Variants in SPAG16 observed in about 807,000 individuals in gnomAD.
SPAG16 encodes the protein sperm associated antigen 16.
A neutral mutation model predicts 80.4 loss-of-function variants in SPAG16; 86 were observed. The observed-to-expected ratio is 1.07, with a 90% CI of 0.90 to 1.28. SPAG16 has a LOEUF of 1.28. Among genes scored for constraint, SPAG16 ranks in the 50% most tolerant of loss-of-function variants. SPAG16 has a pLI of 0.00. For missense variants in SPAG16, 870 were observed against 765.3 expected (o/e 1.14, Z -1.61); for synonymous variants, 294 against 265.9 (o/e 1.11, Z -1.03).
intron 15 of SPAG16, among the ~76,000 whole-genome samples, chr2:214,324,850 C>A (rs912716248): frequency 1.3e-5 from 2 of 151,294 alleles, no homozygotes; most frequent in African/African-American, 2.4e-5. Context: ...GGGTGTTTGT[C>A]AAATTTATTT....
At chr2:213,488,723 T>C (rs2074102150) in intron 9 of SPAG16, among the ~76,000 whole-genome samples, 1 of 152,156 alleles carries the variant, frequency 6.6e-6, no homozygotes, top group Admixed American at 6.5e-5. Context: ...TTTAAGTTTT[T>C]GCAGAATTAT....
chr2:214,047,971 A>T (rs193111175), intron 13 of SPAG16, among the ~76,000 whole-genome samples: 150 of 152,316 alleles, frequency 9.8e-4, no homozygotes, highest in African/African-American at 3.5e-3. Context: ...CAGAAGTGCA[A>T]ATCAATGCTA....
chr2:213,394,820 T>G (rs1296485855), intron 9 of SPAG16, among the ~76,000 whole-genome samples: 2 of 152,206 alleles, frequency 1.3e-5, no homozygotes, highest in Non-Finnish European at 2.9e-5. Flanking sequence ...TTTAAAATAT[T>G]TGGGAGAATT....
chr2:213,294,582 G>T (rs2126066180), intron 1 of SPAG16, among the ~76,000 whole-genome samples: 1 of 152,280 alleles, frequency 6.6e-6, no homozygotes, highest in Admixed American at 6.5e-5. Context: ...GTTATTAGGA[G>T]AGGCACTTAT....
chr2:213,774,327 A>T (rs553161845), intron 10 of SPAG16, among the ~76,000 whole-genome samples: 1 of 152,158 alleles, frequency 6.6e-6, no homozygotes, highest in Non-Finnish European at 1.5e-5. Flanking sequence ...ACTCTATGAG[A>T]GTTCTTTCTT....
chr2:213,777,784 G>C (rs2069695373), intron 10 of SPAG16, among the ~76,000 whole-genome samples: 1 of 152,098 alleles, frequency 6.6e-6, no homozygotes, highest in African/African-American at 2.4e-5. Context: ...TGATCTGCCT[G>C]CCTCGGCCTC....
In SPAG16 at chr2:213,844,486, A is replaced by G. The variant is rs570734776; in HGVS notation, c.1071-17999A>G. ...GATGATTAGGTCAATAAATTAATTCATGTGTAATTTGAAAAATATAACATT... is the reference window on the plus strand; with the variant it reads ...GATGATTAGGTCAATAAATTAATTCGTGTGTAATTTGAAAAATATAACATT... On this transcript the variant is annotated intron_variant, in intron 10 of 15. Transcript: ENST00000331683. Among the ~76,000 whole-genome samples, 20 of 152,332 alleles carry G rather than the reference A, an allele frequency of 1.3e-4. 1 individual carries two copies. Among genetic ancestry groups the G allele is most frequent in the African/African-American group, 3.4e-4 (14 of 41,586 alleles).
intron 10 of SPAG16, among the ~76,000 whole-genome samples, chr2:213,701,916 A>C (rs2065444360): frequency 1.3e-5 from 2 of 152,158 alleles, no homozygotes; most frequent in Admixed American, 6.5e-5. Flanking sequence ...TGCACCAATC[A>C]GTGCTCTGTG....
chr2:214,173,515 A>T (rs570524043), intron 15 of SPAG16, among the ~76,000 whole-genome samples: 59 of 151,844 alleles, frequency 3.9e-4, no homozygotes, highest in African/African-American at 1.4e-3. Flanking sequence ...GTAGTATAGT[A>T]TGAAGTCAGG....
At chr2:214,123,944 T>C (rs1576283753) in intron 14 of SPAG16, among the ~76,000 whole-genome samples, 1 of 152,070 alleles carries the variant, frequency 6.6e-6, no homozygotes, top group East Asian at 1.9e-4. Context: ...TATACAAAGA[T>C]AACCCAGCTA....
chr2:213,466,450 T>C (rs1248094494), intron 9 of SPAG16, among the ~76,000 whole-genome samples: 1 of 152,152 alleles, frequency 6.6e-6, no homozygotes, highest in African/African-American at 2.4e-5. Flanking sequence ...GTTTCTTTCA[T>C]TAGGTGATAT....
intron 3 of SPAG16, among the ~76,000 whole-genome samples, chr2:213,299,743 G>A (rs1278066823): frequency 6.6e-6 from 1 of 152,088 alleles, no homozygotes; most frequent in East Asian, 1.9e-4. Flanking sequence ...TATATTTAAA[G>A]TTATTCTTGA....
chr2:214,019,668 T>C (rs559367852), intron 13 of SPAG16, among the ~76,000 whole-genome samples: 2 of 152,192 alleles, frequency 1.3e-5, no homozygotes, highest in Non-Finnish European at 2.9e-5. Context: ...TGCATAGGCC[T>C]GTTGGTTTTC....
rs541099251 is a variant in SPAG16 at position 213,348,723 on chromosome 2, G to T, written c.645-1805G>T. Among the ~76,000 whole-genome samples, 12 of 152,238 alleles carry T rather than the reference G, an allele frequency of 7.9e-5. 1 individual carries two copies. The Middle Eastern group carries it at 0.02, about 259-fold the overall frequency. ...TATTGGCCCCCACTCTCTTCTGGCT[G>T]GTAGAGTTTCTGCCAGGAGATCAGC... On this transcript the variant is annotated intron_variant, in intron 6 of 15. Transcript: ENST00000331683.
At chr2:213,622,080 A>G (rs1247855482) in intron 10 of SPAG16, among the ~76,000 whole-genome samples, 1 of 152,202 alleles carries the variant, frequency 6.6e-6, no homozygotes, top group Admixed American at 6.5e-5. Context: ...TTGTGACTCA[A>G]CAATACACCT....
intron 15 of SPAG16, among the ~76,000 whole-genome samples, chr2:214,302,732 C>T (rs1396496669): frequency 6.6e-6 from 1 of 152,192 alleles, no homozygotes; most frequent in African/African-American, 2.4e-5. Context: ...ATCCACCTGC[C>T]TCAGCCTCCC....
At chr2:213,498,186 T>C (rs2074578977) in intron 10 of SPAG16, among the ~76,000 whole-genome samples, 3 of 152,194 alleles carry the variant, frequency 2.0e-5, no homozygotes, top group Non-Finnish European at 4.4e-5. Context: ...AGTTTTGATT[T>C]AGGTGAAGCA....
At chr2:213,949,168 A>AGTTTTTTTTTTTTTTTTTTT (rs2079598715) in intron 12 of SPAG16, among the ~76,000 whole-genome samples, 2 of 75,196 alleles carry the variant, frequency 2.7e-5, no homozygotes, top group African/African-American at 3.9e-5. Flanking sequence ...TAATTACAAC[A>AGTTTTTTTTTTTTTTTTTTT]GTTTTTTTTT....
intron 15 of SPAG16, among the ~76,000 whole-genome samples, chr2:214,150,885 A>G (rs1576357762): frequency 6.6e-6 from 1 of 152,052 alleles, no homozygotes; most frequent in African/African-American, 2.4e-5. Context: ...GGTCAGTGTG[A>G]TTTTAAGGCC....
Sources: gnomAD v4.1 joint callset for allele counts (sites outside exome capture counted in the v4.1 genomes callset) on GRCh38, gnomAD v4.1.1 for gene constraint, MANE v1.5 for transcripts, NCBI Gene and HGNC (gene_info 2026-07-23, HGNC 2026-07-21) for gene names.